The following FERRY3 variants were observed in gnomAD, a reference collection of about 807,000 sequenced individuals.
FERRY3 encodes FERRY endosomal RAB5 effector complex subunit 3.
the FERRY3 span, among the ~76,000 whole-genome samples, chr12:4,513,646 G>A: frequency 6.6e-6 from 1 of 152,142 alleles, no homozygotes; most frequent in African/African-American, 2.4e-5. Flanking sequence ...AATGGGGAAA[G>A]GATTCCCTAC....
the FERRY3 span, among the ~76,000 whole-genome samples, chr12:4,527,819 AAAG>A: frequency 3.3e-5 from 5 of 152,184 alleles, no homozygotes; most frequent in Non-Finnish European, 7.4e-5. Context: ...TAGAAAGAAA[AAAG>A]AAGGCCAAAC....
chr12:4,504,072 C>T, the FERRY3 span, among the ~76,000 whole-genome samples: 4 of 152,288 alleles, frequency 2.6e-5, no homozygotes, highest in Admixed American at 2.6e-4. Context: ...TAACATTATC[C>T]ACTAAGATGG....
At chr12:4,495,686 A>G in the FERRY3 span, among the ~76,000 whole-genome samples, 1 of 152,246 alleles carries the variant, frequency 6.6e-6, no homozygotes, top group Admixed American at 6.5e-5. Context: ...AGGTAGGGGA[A>G]GAGTAATGAA....
At chr12:4,500,056 GGATT>G in the FERRY3 span, 2 of 1,329,882 alleles carry the variant, frequency 1.5e-6, no homozygotes, top group Non-Finnish European at 2.1e-6. Flanking sequence ...AATGTAAAGT[GGATT>G]ATTATATAAT....
the FERRY3 span, among the ~76,000 whole-genome samples, chr12:4,528,986 C>T: frequency 1.3e-5 from 2 of 151,218 alleles, no homozygotes; most frequent in Non-Finnish European, 1.5e-5. Flanking sequence ...CAAAGCAACA[C>T]TAAAACTATT....
the FERRY3 span, among the ~76,000 whole-genome samples, chr12:4,508,402 C>CT: frequency 1.6e-4 from 24 of 152,180 alleles, no homozygotes; most frequent in African/African-American, 5.6e-4. Context: ...AATTTTAAAG[C>CT]TTACCACATT....
At chr12:4,494,603 C>T in the FERRY3 span, among the ~76,000 whole-genome samples, 12 of 152,314 alleles carry the variant, frequency 7.9e-5, no homozygotes, top group Admixed American at 2.6e-4. Context: ...CACTGCATTG[C>T]CTTGGCATCT....
At chr12:4,535,263 G>C in the FERRY3 span, among the ~76,000 whole-genome samples, 17 of 152,182 alleles carry the variant, frequency 1.1e-4, no homozygotes, top group Non-Finnish European at 2.2e-4. This position sits in a 1 kb window ranked among gnomAD's most constrained non-coding sequence, Gnocchi z 4.0. Context: ...TATTTAAACA[G>C]ACTGCCACAT....
At chr12:4,518,118 G>C in the FERRY3 span, 1 of 1,614,018 alleles carries the variant, frequency 6.2e-7, no homozygotes, top group Non-Finnish European at 8.5e-7. Flanking sequence ...AGGCCACAGA[G>C]AGATGTAGAA....
the FERRY3 span, among the ~76,000 whole-genome samples, chr12:4,510,539 C>G: frequency 2.7e-5 from 4 of 147,970 alleles, no homozygotes; most frequent in East Asian, 8.0e-4. Flanking sequence ...AGACTAACAG[C>G]AGATCTCTCG....
chr12:4,491,335 C>A, the FERRY3 span: 4 of 1,061,656 alleles, frequency 3.8e-6, no homozygotes, highest in East Asian at 9.9e-5. Context: ...ATGTTGTGAA[C>A]AGATTTAGGT....
At chr12:4,503,750 TC>T in the FERRY3 span, among the ~76,000 whole-genome samples, 1 of 152,150 alleles carries the variant, frequency 6.6e-6, no homozygotes, top group Non-Finnish European at 1.5e-5. Flanking sequence ...CTAAGGGTCA[TC>T]AGAGTGAATT....
chr12:4,521,635 T>TCAACTCATTTTA, the FERRY3 span, among the ~76,000 whole-genome samples: 1 of 152,178 alleles, frequency 6.6e-6, no homozygotes, highest in East Asian at 1.9e-4. Flanking sequence ...TGACCACAGA[T>TCAACTCATTTTA]CAACTCATTT....
At chr12:4,489,493 T>C in the FERRY3 span, 6 of 175,594 alleles carry the variant, frequency 3.4e-5, no homozygotes, top group Non-Finnish European at 4.8e-5. Flanking sequence ...TCCATGTAAA[T>C]ATAATCAAGT....
the FERRY3 span, among the ~76,000 whole-genome samples, chr12:4,521,227 C>T: frequency 6.6e-6 from 1 of 152,010 alleles, no homozygotes; most frequent in East Asian, 1.9e-4. Context: ...GGTGTGGTGG[C>T]ATACGCCTGT....
chr12:4,527,817 AAAAAG>A, the FERRY3 span, among the ~76,000 whole-genome samples: 2 of 152,312 alleles, frequency 1.3e-5, no homozygotes, highest in African/African-American at 2.4e-5. Flanking sequence ...TTTAGAAAGA[AAAAAG>A]AAGGCCAAAC....
the FERRY3 span, chr12:4,534,186 C>G: frequency 1.2e-6 from 2 of 1,610,382 alleles, no homozygotes; most frequent in Non-Finnish European, 8.5e-7. Context: ...CATGTACTCG[C>G]CAGCTGATGT....
At chr12:4,533,829 A>T in the FERRY3 span, among the ~76,000 whole-genome samples, 2 of 152,188 alleles carry the variant, frequency 1.3e-5, no homozygotes, top group Non-Finnish European at 2.9e-5. Context: ...GTTCCATGTA[A>T]TATGTTGATA....
At chr12:4,489,410 G>A in the FERRY3 span, 1 of 153,674 alleles carries the variant, frequency 6.5e-6, no homozygotes, top group African/African-American at 2.4e-5. Context: ...AAAGTAAAAG[G>A]AAAATTTTGT....
Sources: allele counts gnomAD v4.1 joint callset (sites outside exome capture counted in the v4.1 genomes callset), GRCh38; gene constraint gnomAD v4.1.1; non-coding constraint Gnocchi (gnomAD v3.1); transcripts MANE v1.5; gene names NCBI Gene and HGNC (gene_info 2026-07-23, HGNC 2026-07-21).